IGSF9B: variants seen among roughly 807,000 people sequenced by gnomAD.
IGSF9B encodes the protein immunoglobulin superfamily member 9B.
A neutral mutation model predicts 143.7 loss-of-function variants in IGSF9B; 48 were observed. The observed-to-expected ratio is 0.33, with a 90% CI of 0.26 to 0.42. IGSF9B has a LOEUF of 0.42. Ranked by LOEUF, IGSF9B falls within the 20% of genes least tolerant of loss-of-function variation. The pLI, the probability that IGSF9B is intolerant of heterozygous loss-of-function variation, is 1.00. For synonymous variants in IGSF9B, 903 were observed against 833.1 expected, an observed-to-expected ratio of 1.08 and a Z score of -1.44; for missense variants, 1,706 against 1,980.0, an observed-to-expected ratio of 0.86 and a Z score of 2.63.
In IGSF9B at chr11:133,947,514, C is replaced by G. The variant is rs539588168; in HGVS notation, c.65-1256G>C. 2.0e-5 allele frequency among the ~76,000 whole-genome samples: 3 copies of G among 152,334 alleles called. No individual in the cohort carries two copies. In the East Asian group the frequency reaches 5.8e-4, roughly 29 times the overall value. On this transcript the variant is annotated intron_variant, in intron 1 of 19. Coordinates refer to ENST00000533871, the MANE Select transcript of IGSF9B (RefSeq NM_001277285.4). The stretch of plus-strand genomic sequence containing the variant: ...TTAAAGACAGAGAGCCAGCTGGGGA[C>G]TCCCGCAGGGGAGGATGCCCAGAGG...
At position 133,903,354 on chromosome 11, in the gene IGSF9B, C is replaced by G. The variant is rs1939169485; in HGVS notation, c.*5715G>C. Among the ~76,000 whole-genome samples, 2 of 152,152 alleles carry G rather than the reference C, an allele frequency of 1.3e-5. No individual in the cohort carries two copies. Among genetic ancestry groups the G allele is most frequent in the Non-Finnish European group, 2.9e-5 (2 of 68,028 alleles). ...GAGCATTTGAGCCACGGGGTTAAAA[C>G]TGTCCAATCTAGCTCTCCCAGCCAG... On this transcript the variant is annotated 3_prime_UTR_variant, in exon 20 of 20. Transcript: ENST00000533871.
intron 19 of IGSF9B, among the ~76,000 whole-genome samples, chr11:133,911,149 C>A (rs1430263031): frequency 6.6e-6 from 1 of 152,232 alleles, no homozygotes; most frequent in Non-Finnish European, 1.5e-5. Context: ...GACAGACTGC[C>A]ACAACACTCC....
intron 12 of IGSF9B, 53 bp downstream of exon 12, chr11:133,929,618 G>T: frequency 7.5e-7 from 1 of 1,326,108 alleles, no homozygotes; most frequent in Non-Finnish European, 1.1e-6. Context: ...GAAGACCGGG[G>T]AGGGGAGAAG....
intron 1 of IGSF9B, among the ~76,000 whole-genome samples, chr11:133,947,844 T>G (rs759494266): frequency 1.1e-4 from 16 of 151,904 alleles, no homozygotes; most frequent in Non-Finnish European, 2.2e-4. Flanking sequence ...CTGTCTGCCT[T>G]GCTGGCTCCT....
At chr11:133,936,624 CACAG>C (rs1315487034) in intron 5 of IGSF9B, among the ~76,000 whole-genome samples, 1 of 152,184 alleles carries the variant, frequency 6.6e-6, no homozygotes, top group South Asian at 2.1e-4. Context: ...GTGCTGGCTG[CACAG>C]ACAAAGGGGG....
chr11:133,944,460 A>G lies in IGSF9B; in HGVS notation c.263-94T>C, dbSNP rs904892023. 8.2e-5 allele frequency: 105 copies of G among 1,276,138 alleles called. No homozygotes were observed. The East Asian group carries it at 2.5e-3, about 31-fold the overall frequency. 79.1% of individuals were successfully genotyped at this position (1,276,138 alleles called of 1,614,324 possible). ...CCCAGCTAAAGACAGGGGACTCATC[A>G]TAATCTTCATACCATTCCCTATGGC... On this transcript the variant is annotated intron_variant, in intron 2 of 19. Coordinates refer to ENST00000533871, the MANE Select transcript of IGSF9B (RefSeq NM_001277285.4).
In IGSF9B at chr11:133,940,638, G is replaced by A. The variant is rs201654516; in HGVS notation, c.410-2677C>T. On this transcript the variant is annotated intron_variant, in intron 3 of 19. Transcript: ENST00000533871. ...ACATACACCTTGCACGTCCTCGCAC[G>A]CGTCATCACACGCAAAAACATACAC... is the stretch of plus-strand genomic sequence containing the variant. 2.2e-4 allele frequency among the ~76,000 whole-genome samples: 31 copies of A among 138,234 alleles called. 1 individual carries two copies. In the East Asian group the frequency reaches 6.8e-3, roughly 30 times the overall value. The allele number at this position is 138,234 out of a possible 152,430, so 90.7% of individuals were successfully genotyped here. A position where few individuals can be genotyped will look rare whatever the true frequency, so the allele number is the denominator to read the frequency against.
At chr11:133,919,589 C>T (rs989055837) in intron 18 of IGSF9B, among the ~76,000 whole-genome samples, 153 bp downstream of exon 18, 5 of 152,222 alleles carry the variant, frequency 3.3e-5, no homozygotes, top group Non-Finnish European at 7.3e-5. Context: ...CCGCCCAAAC[C>T]GCGGCGGCCA....
At chr11:133,919,713 G>A in intron 18 of IGSF9B, 29 bp downstream of exon 18, 2 of 1,330,348 alleles carry the variant, frequency 1.5e-6, no homozygotes, top group Non-Finnish European at 9.8e-7. Context: ...TTGCCCAGGT[G>A]CGGGTGGCGG....
chr11:133,935,975 G>A (rs188125965), intron 6 of IGSF9B, 78 bp downstream of exon 6: 164 of 1,537,628 alleles, frequency 1.1e-4, no homozygotes, highest in African/African-American at 7.9e-4. Flanking sequence ...CAGCCTGCCC[G>A]TGCAATTTCT....
At position 133,920,751 on chromosome 11, in the gene IGSF9B, G is replaced by C; in HGVS notation, c.2974C>G (p.Leu992Val). The change falls in exon 18 of 20, where the codon CTG becomes GTG. Residue 992 changes from leucine (L) to valine (V), a missense_variant. Transcript: ENST00000533871. ...PFYVPEVGSP[L>V]SSVMSSPPLP... ...GGCGGGGACGACATGACGGAGCTCA[G>C]GGGGCTGCCCACTTCTGGCACGTAG... is the stretch of plus-strand genomic sequence containing the variant. 6.2e-7 allele frequency: 1 copy of C among 1,612,748 alleles called. No homozygotes were observed.
At chr11:133,926,884 C>G in intron 13 of IGSF9B, 32 bp downstream of exon 13, 1 of 1,540,734 alleles carries the variant, frequency 6.5e-7, no homozygotes, top group Non-Finnish European at 8.8e-7. Context: ...CTCTACAACC[C>G]CCGCTCCCAA....
At chr11:133,938,809 T>C (rs2121324631) in intron 3 of IGSF9B, among the ~76,000 whole-genome samples, 1 of 152,236 alleles carries the variant, frequency 6.6e-6, no homozygotes, top group East Asian at 1.9e-4. Flanking sequence ...AGAACCCAAG[T>C]TCAAGCACTA....
rs1474350601 is a variant in IGSF9B at position 133,903,835 on chromosome 11, G to A, written c.*5234C>T. On this transcript the variant is annotated 3_prime_UTR_variant, in exon 20 of 20. Coordinates refer to ENST00000533871, the MANE Select transcript of IGSF9B (RefSeq NM_001277285.4). ...ACTCGCAGTCAGAGGGAAGGGTGGT[G>A]ATTGGTACCCCTAGCCAAACAGCAA... Among the ~76,000 whole-genome samples, 5 of 152,194 alleles carry A rather than the reference G, an allele frequency of 3.3e-5. No homozygotes were observed. The highest frequency in any genetic ancestry group is 7.3e-5 in the Non-Finnish European group (5 of 68,034).
intron 3 of IGSF9B, among the ~76,000 whole-genome samples, chr11:133,940,725 T>C (rs1041250799): frequency 4.7e-5 from 7 of 148,176 alleles, no homozygotes; most frequent in Non-Finnish European, 1.0e-4. Flanking sequence ...CTCGCACGCG[T>C]CATCACATAC....
At chr11:133,916,382 T>C (rs1348489966) in intron 18 of IGSF9B, among the ~76,000 whole-genome samples, 1 of 152,066 alleles carries the variant, frequency 6.6e-6, no homozygotes, top group Non-Finnish European at 1.5e-5. Flanking sequence ...ACAAGAGCTG[T>C]CACAACTTCT....
chr11:133,951,357 C>A (rs1042594500), intron 1 of IGSF9B, among the ~76,000 whole-genome samples: 2 of 152,224 alleles, frequency 1.3e-5, no homozygotes, highest in Admixed American at 6.5e-5. Flanking sequence ...ACAGCCCTCC[C>A]GGCCCCCACG....
chr11:133,944,464 T>C, intron 2 of IGSF9B, 98 bp from the exon 3 acceptor site: 1 of 1,247,796 alleles, frequency 8.0e-7, no homozygotes, highest in South Asian at 1.3e-5. Flanking sequence ...CTCATCATAA[T>C]CTTCATACCA....
At chr11:133,934,986 G>A (rs1384247279) in intron 7 of IGSF9B, among the ~76,000 whole-genome samples, 1 of 152,252 alleles carries the variant, frequency 6.6e-6, no homozygotes, top group African/African-American at 2.4e-5. Context: ...CAGCTTGCCA[G>A]GGGGCGGGAA....
Sources: gnomAD v4.1 joint callset for allele counts (sites outside exome capture counted in the v4.1 genomes callset) on GRCh38, gnomAD v4.1.1 for gene constraint, MANE v1.5 for transcripts, NCBI Gene and HGNC (gene_info 2026-07-23, HGNC 2026-07-21) for gene names.